Variants in FCHO1 observed in about 807,000 individuals in gnomAD.
FCHO1 encodes the protein F-BAR domain only protein 1.
A neutral mutation model predicts 114.4 loss-of-function variants in FCHO1; 45 were observed. The ratio of observed to expected loss-of-function variants is 0.39; its 90% CI spans 0.31 to 0.50. The LOEUF (loss-of-function observed/expected upper bound fraction) is 0.50. Among genes scored for constraint, FCHO1 ranks in the 20% least tolerant of loss-of-function variants. The pLI, the probability that FCHO1 is intolerant of heterozygous loss-of-function variation, is 0.77. For missense variants in FCHO1, 1,042 were observed against 1,209.6 expected, an observed-to-expected ratio of 0.86 and a Z score of 2.06; for synonymous variants, 480 against 488.9, an observed-to-expected ratio of 0.98 and a Z score of 0.24.
intron 1 of FCHO1, among the ~76,000 whole-genome samples, chr19:17,752,888 C>T (rs1052599879): frequency 4.6e-5 from 7 of 151,754 alleles, no homozygotes; most frequent in African/African-American, 1.7e-4. Flanking sequence ...GGTGACAGAG[C>T]AAGAACCTGT....
rs1313677252 is a variant in FCHO1, at chr19:17,770,572, G to C, written c.484G>C (p.Asp162His). Residue 162 changes from aspartate to histidine, a missense_variant, in exon 8 of 29, where the codon GAC becomes CAC. Around this residue, in one of 3 missense-constraint regions of FCHO1, gnomAD observed 450 missense variants for 564.1 expected, o/e 0.80. Coordinates refer to ENST00000596536, the MANE Select transcript of FCHO1 (RefSeq NM_015122.3). ...GGAGAGTACCAGCCAGAAGGAGATG[G>C]ACAAGGTGGGCTCACAGTGGGGGGG... is the stretch of plus-strand genomic sequence containing the variant. ...RRESTSQKEM[D>H]KAETKTKKAA... The C allele has an allele frequency of 2.5e-6, 4 of 1,611,074 alleles. No homozygotes were observed. The highest frequency in any genetic ancestry group is 1.1e-5 in the South Asian group (1 of 90,886).
intron 6 of FCHO1, 196 bp from the exon 7 acceptor site, chr19:17,766,473 C>A (rs559419611): frequency 3.4e-5 from 21 of 616,570 alleles, no homozygotes; most frequent in African/African-American, 3.1e-4. Flanking sequence ...TTGGGAGGAG[C>A]TATAGAGCTC....
intron 27 of FCHO1, 115 bp from the exon 28 acceptor site, chr19:17,787,567 T>TG: frequency 8.4e-7 from 1 of 1,188,582 alleles, no homozygotes; most frequent in Non-Finnish European, 1.1e-6. Flanking sequence ...GGAGGTCTGA[T>TG]GGGGCACATA....
In FCHO1 at chr19:17,778,233, T is replaced by C; in HGVS notation, c.1351+5T>C. 6.2e-7 allele frequency: 1 copy of C among 1,611,182 alleles called. No individual in the cohort carries two copies. The highest frequency in any genetic ancestry group is 8.5e-7 in the Non-Finnish European group (1 of 1,177,706). On this transcript the variant is annotated splice_donor_5th_base_variant and intron_variant, in intron 19 of 28. Transcript: ENST00000596536. ...TTGACCACGAAGATTTTACAGGTGA[T>C]GGGGATAAGGGATTGGAGGGCATGG...
At position 17,755,203 on chromosome 19, in the gene FCHO1, T is replaced by G. The variant is rs762048955; in HGVS notation, c.27+12T>G. On this transcript the variant is annotated intron_variant, in intron 4 of 28. Coordinates refer to ENST00000596536, the MANE Select transcript of FCHO1 (RefSeq NM_015122.3). ...GGGAGCATTTTTGGGTAAGACCCAC[T>G]CTTATTTAGGCGGGGGATGCTGGCA... 5.1e-5 allele frequency: 82 copies of G among 1,603,516 alleles called. No individual in the cohort carries two copies. The highest frequency in any genetic ancestry group is 6.5e-5 in the Non-Finnish European group (76 of 1,174,292).
rs768979141 is a variant in FCHO1 at position 17,772,683 on chromosome 19, C to T, written c.732C>T (p.Ser244=). 21 of 1,614,002 alleles carry T rather than the reference C, an allele frequency of 1.3e-5. No individual in the cohort carries two copies. The highest frequency in any genetic ancestry group is 4.5e-5 in the East Asian group (2 of 44,898). ...TTAAGCAGAACATCGAGAACGTCAG[C>T]GTGGAGATGCTACTCAGGAAGTTTG... The part of the protein sequence containing the change: ...EEFKQNIENV[S]VEMLLRKFAE... Residue 244 remains serine, a synonymous_variant, in exon 11 of 29, where the codon AGC becomes AGT. Transcript: ENST00000596536.
In FCHO1 at chr19:17,751,601, G is replaced by A. The variant is rs2146180366; in HGVS notation, c.-183+24G>A. Reference sequence around the variant, plus strand: ...CGGTGAGTTTGAGCCCTGGCCAGTAGATACCCATCATCTCGCCTTGGCCCC... The same window carrying A: ...CGGTGAGTTTGAGCCCTGGCCAGTAAATACCCATCATCTCGCCTTGGCCCC... On this transcript the variant is annotated intron_variant, in intron 1 of 28. Coordinates refer to ENST00000596536, the MANE Select transcript of FCHO1 (RefSeq NM_015122.3). The surrounding 1 kb of genome is among the most constrained non-coding windows in gnomAD (Gnocchi z 4.4). 1 of 152,516 alleles carries A rather than the reference G, an allele frequency of 6.6e-6. No homozygotes were observed. Among genetic ancestry groups the A allele is most frequent in the African/African-American group, 2.4e-5 (1 of 41,600 alleles). The allele number at this position is 152,516 out of a possible 1,614,324, so 9.4% of individuals were successfully genotyped here.
In FCHO1 at chr19:17,754,019, C is replaced by A. The variant is rs905098370; in HGVS notation, c.-182-298C>A. Among the ~76,000 whole-genome samples, 37 of 152,312 alleles carry A rather than the reference C, an allele frequency of 2.4e-4. No homozygotes were observed. In the East Asian group the frequency reaches 3.9e-3, roughly 16 times the overall value. ...TGAGGCACAGAGAGGGGCAGCCTTGCCCAAGGTCTTGCTCAGTCCTTTCCT... is the reference window on the plus strand; with the variant it reads ...TGAGGCACAGAGAGGGGCAGCCTTGACCAAGGTCTTGCTCAGTCCTTTCCT... On this transcript the variant is annotated intron_variant, in intron 1 of 28. Transcript: ENST00000596536.
intron 11 of FCHO1, among the ~76,000 whole-genome samples, chr19:17,773,979 C>T (rs929101052): frequency 1.3e-5 from 2 of 151,032 alleles, no homozygotes; most frequent in Non-Finnish European, 2.9e-5. Context: ...GGTGCAGTCT[C>T]GGCTCACTGC....
At chr19:17,779,309 A>AG (rs1272358360) in intron 20 of FCHO1, among the ~76,000 whole-genome samples, 1 of 152,048 alleles carries the variant, frequency 6.6e-6, no homozygotes, top group East Asian at 1.9e-4. Flanking sequence ...TGATGGGCCC[A>AG]GGGAGGGCTT....
intron 20 of FCHO1, among the ~76,000 whole-genome samples, chr19:17,779,249 G>T (rs1324192531): frequency 6.6e-6 from 1 of 152,122 alleles, no homozygotes; most frequent in Non-Finnish European, 1.5e-5. Flanking sequence ...CTGCTGGAAC[G>T]GGGTGATCAC....
chr19:17,766,177 A>ATTTT (rs1205212543), intron 6 of FCHO1, among the ~76,000 whole-genome samples: 3 of 96,024 alleles, frequency 3.1e-5, no homozygotes, highest in Non-Finnish European at 2.1e-5. Flanking sequence ...GGCGTGAACC[A>ATTTT]TTTTTTTTTT....
chr19:17,786,534 C>T (rs201406651), intron 26 of FCHO1, 40 bp from the exon 27 acceptor site: 1 of 1,607,902 alleles, frequency 6.2e-7, no homozygotes, highest in Non-Finnish European at 8.5e-7. Context: ...TCTCAGCATC[C>T]TCTCTGGGGA....
chr19:17,762,917 A>C, intron 5 of FCHO1, 64 bp downstream of exon 5: 5 of 1,103,252 alleles, frequency 4.5e-6, no homozygotes, highest in African/African-American at 3.1e-5. Flanking sequence ...CGCCCACCTA[A>C]TGGCTACGCC....
Position 17,778,224 on chromosome 19 carries a change from TACAGGTGATGGGG to T in FCHO1, c.1349_1351+10del. 9 of 1,613,122 alleles carry T rather than the reference TACAGGTGATGGGG, an allele frequency of 5.6e-6. No individual in the cohort carries two copies. Among genetic ancestry groups the T allele is most frequent in the Non-Finnish European group, 7.6e-6 (9 of 1,179,334 alleles). Reference sequence around the variant, plus strand: ...AGTCAGCCTTTGACCACGAAGATTTTACAGGTGATGGGGATAAGGGATTGGAGGGCATGGGTGT... The same window carrying T: ...AGTCAGCCTTTGACCACGAAGATTTTATAAGGGATTGGAGGGCATGGGTGT... On this transcript the variant is annotated splice_donor_variant and splice_donor_5th_base_variant and coding_sequence_variant and intron_variant, in exon 19 of 29. Coordinates refer to ENST00000596536, the MANE Select transcript of FCHO1 (RefSeq NM_015122.3). LOFTEE classifies it high-confidence loss of function.
Position 17,788,408 on chromosome 19 carries a change from T to C in FCHO1, c.*102T>C, listed in dbSNP as rs1196738204. On this transcript the variant is annotated 3_prime_UTR_variant, in exon 29 of 29. Coordinates refer to ENST00000596536, the MANE Select transcript of FCHO1 (RefSeq NM_015122.3). ...CTGGGGCCTCCCACCCCAGCCTCCC[T>C]GAGGCCCATACTCCACGGAGAGGAG... The C allele has an allele frequency of 5.0e-5, 43 of 865,582 alleles. No individual in the cohort carries two copies. Among genetic ancestry groups the C allele is most frequent in the South Asian group, 3.5e-4 (23 of 64,950 alleles). The allele number at this position is 865,582 out of a possible 1,614,324, so 53.6% of individuals were successfully genotyped here. A position where few individuals can be genotyped will look rare whatever the true frequency, so the allele number is the denominator to read the frequency against.
At chr19:17,761,752 C>T (rs1289285264) in intron 4 of FCHO1, among the ~76,000 whole-genome samples, 1 of 151,540 alleles carries the variant, frequency 6.6e-6, no homozygotes, top group Non-Finnish European at 1.5e-5. Context: ...CCTCTGCCTC[C>T]CACGTTCAAG....
At position 17,774,197 on chromosome 19, in the gene FCHO1, C is replaced by T. The variant is rs200940943; in HGVS notation, c.791-42C>T. ...GTGCTGGGATTACAGGCATGGGCCA[C>T]CGTGCCCAGCCCCTCAATTGAGTTT... On this transcript the variant is annotated intron_variant, in intron 11 of 28. Transcript: ENST00000596536. 3.1e-6 allele frequency: 5 copies of T among 1,604,180 alleles called. No homozygotes were observed. The African/African-American group carries it at 5.3e-5, about 17-fold the overall frequency.
intron 1 of FCHO1, chr19:17,753,812 GC>G (rs1362133770): frequency 6.6e-6 from 1 of 152,156 alleles, no homozygotes; most frequent in Non-Finnish European, 1.5e-5. Flanking sequence ...GATTACAGGT[GC>G]CCGCCACCAC....
Sources: gnomAD v4.1 joint callset for allele counts (sites outside exome capture counted in the v4.1 genomes callset) on GRCh38, gnomAD v4.1.1 for gene constraint, gnomAD v4.1.1 regional missense constraint, Gnocchi (gnomAD v3.1) non-coding constraint, MANE v1.5 for transcripts, NCBI Gene and HGNC (gene_info 2026-07-23, HGNC 2026-07-21) for gene names.